ULK4: variants seen among roughly 807,000 people sequenced by gnomAD.
ULK4 encodes the protein inactive serine/threonine-protein kinase ULK4.
A neutral mutation model predicts 160.6 loss-of-function variants in ULK4; 133 were observed. The ratio of observed to expected loss-of-function variants is 0.83; its 90% CI spans 0.72 to 0.96. The LOEUF is 0.96. Ranked by LOEUF, ULK4 falls within the 40% of genes least tolerant of loss-of-function variation. The pLI, the probability that ULK4 is intolerant of heterozygous loss-of-function variation, is 0.00. For missense variants in ULK4, 1,580 were observed against 1,499.5 expected (o/e 1.05, Z -0.89); for synonymous variants, 534 against 539.8 (o/e 0.99, Z 0.15).
At chr3:41,461,032 T>G (rs931402652) in intron 33 of ULK4, among the ~76,000 whole-genome samples, 1 of 152,094 alleles carries the variant, frequency 6.6e-6, no homozygotes, top group Non-Finnish European at 1.5e-5. Flanking sequence ...TCTGCCTCCA[T>G]TATCTTTCAC....
chr3:41,679,866 A>G (rs901737305), intron 29 of ULK4, among the ~76,000 whole-genome samples: 1 of 152,166 alleles, frequency 6.6e-6, no homozygotes, highest in Admixed American at 6.5e-5. Flanking sequence ...TCCAAAGCAC[A>G]TATTTTCTTT....
intron 32 of ULK4, among the ~76,000 whole-genome samples, chr3:41,470,346 A>T (rs1436334830): frequency 6.6e-6 from 1 of 152,194 alleles, no homozygotes; most frequent in Admixed American, 6.5e-5. Flanking sequence ...GAAGGAAAAA[A>T]TGCTGCCAAA....
intron 35 of ULK4, among the ~76,000 whole-genome samples, chr3:41,384,556 T>G (rs1238845760): frequency 6.6e-6 from 1 of 152,120 alleles, no homozygotes; most frequent in Non-Finnish European, 1.5e-5. Flanking sequence ...ATCGGGTGCG[T>G]TCAGGGTGGT....
intron 35 of ULK4, among the ~76,000 whole-genome samples, chr3:41,378,560 C>T (rs965661501): frequency 2.6e-5 from 4 of 151,306 alleles, no homozygotes; most frequent in Admixed American, 6.6e-5. Context: ...CATGTTCTCA[C>T]TCATAGGTGG....
At chr3:41,615,509 A>C (rs996072129) in intron 31 of ULK4, among the ~76,000 whole-genome samples, 160 bp downstream of exon 31, 4 of 152,232 alleles carry the variant, frequency 2.6e-5, no homozygotes, top group Non-Finnish European at 4.4e-5. Flanking sequence ...ATTCCTTTAC[A>C]GATAAGAAAG....
chr3:41,898,502 A>T lies in ULK4; in HGVS notation c.1288-10T>A. On this transcript the variant is annotated splice_polypyrimidine_tract_variant and intron_variant, in intron 13 of 36. Coordinates refer to ENST00000301831, the MANE Select transcript of ULK4 (RefSeq NM_017886.4). ...GTGGCTGTTTCATTATCTGTGGTTT[A>T]AAAAAAAAGAAAGCTTTTGAGACAA... 6.5e-7 allele frequency: 1 copy of T among 1,531,624 alleles called. No individual in the cohort carries two copies. The highest frequency in any genetic ancestry group is 1.2e-5 in the South Asian group (1 of 83,880). The allele number at this position is 1,531,624 out of a possible 1,614,324, so 94.9% of individuals were successfully genotyped here. A position where few individuals can be genotyped will look rare whatever the true frequency, so the allele number is the denominator to read the frequency against.
chr3:41,314,940 G>A (rs534985150), intron 35 of ULK4, among the ~76,000 whole-genome samples: 1 of 151,862 alleles, frequency 6.6e-6, no homozygotes, highest in South Asian at 2.1e-4. Context: ...GGACCTCAAG[G>A]GATTTTGTTT....
At chr3:41,883,779 CAAGTGA>C (rs1559627689) in intron 17 of ULK4, 89 bp downstream of exon 17, 1 of 64,864 alleles carries the variant, frequency 1.5e-5, no homozygotes, top group Non-Finnish European at 4.5e-5. Context: ...AGAGAAAAAA[CAAGTGA>C]AGGTCGGTGA....
intron 30 of ULK4, among the ~76,000 whole-genome samples, chr3:41,638,768 T>C (rs576917452): frequency 1.3e-5 from 2 of 152,362 alleles, no homozygotes; most frequent in South Asian, 4.1e-4. Flanking sequence ...AGATTTGCTG[T>C]TGAGACATGA....
At chr3:41,384,272 A>G (rs1479599729) in intron 35 of ULK4, among the ~76,000 whole-genome samples, 2 of 152,180 alleles carry the variant, frequency 1.3e-5, no homozygotes. Flanking sequence ...GAGATATTCC[A>G]TAAGACAAGT....
Position 41,706,346 on chromosome 3 carries a change from A to ATAATATATATATATTTATATATATATT in ULK4, c.2635-1068_2635-1042dup, listed in dbSNP as rs1179026498. 3.1e-4 allele frequency among the ~76,000 whole-genome samples: 45 copies of ATAATATATATATATTTATATATATATT among 144,540 alleles called. No homozygotes were observed. The South Asian group carries it at 8.3e-3, about 27-fold the overall frequency. 94.8% of individuals were successfully genotyped at this position (144,540 alleles called of 152,430 possible). ...GGAGTTCTTGCCACTAATAAACAAA[A>ATAATATATATATATTTATATATATATT]TAATATATATATATTTATATATATA... On this transcript the variant is annotated intron_variant, in intron 25 of 36. Transcript: ENST00000301831.
At chr3:41,912,978 C>T (rs771987748) in intron 8 of ULK4, 79 bp from the exon 9 acceptor site, 6 of 1,283,810 alleles carry the variant, frequency 4.7e-6, no homozygotes, top group Non-Finnish European at 5.6e-6. Flanking sequence ...CCCAATTACA[C>T]ATAGCAGATT....
intron 30 of ULK4, among the ~76,000 whole-genome samples, chr3:41,655,025 T>C (rs1222502777): frequency 1.3e-5 from 2 of 151,958 alleles, no homozygotes; most frequent in South Asian, 2.1e-4. Context: ...TCTAATAAAG[T>C]TGGTGGGACT....
At chr3:41,784,161 G>A (rs191859549) in intron 21 of ULK4, among the ~76,000 whole-genome samples, 48 of 152,226 alleles carry the variant, frequency 3.2e-4, no homozygotes, top group Admixed American at 2.7e-3. Flanking sequence ...TTGGCCAGGC[G>A]TGGTGGCTCA....
chr3:41,397,745 A>C (rs1391252066), intron 35 of ULK4, among the ~76,000 whole-genome samples: 1 of 152,184 alleles, frequency 6.6e-6, no homozygotes, highest in African/African-American at 2.4e-5. Context: ...TGGTAAAGGA[A>C]TTTTATCAGT....
chr3:41,661,456 C>T (rs999813959), intron 30 of ULK4, among the ~76,000 whole-genome samples: 9 of 143,464 alleles, frequency 6.3e-5, no homozygotes, highest in African/African-American at 2.7e-4. Context: ...CGTATACATA[C>T]ACACATATAT....
At chr3:41,402,204 T>G (rs191227584) in intron 34 of ULK4, among the ~76,000 whole-genome samples, 1 of 152,336 alleles carries the variant, frequency 6.6e-6, no homozygotes, top group Admixed American at 6.5e-5. Context: ...TTTATTGATC[T>G]TGTACCCTGA....
intron 1 of ULK4, among the ~76,000 whole-genome samples, chr3:41,957,485 G>A (rs1186751935): frequency 6.8e-6 from 1 of 147,992 alleles, no homozygotes; most frequent in East Asian, 2.0e-4. Flanking sequence ...TCATAACCTG[G>A]CATCTCTCTG....
rs1553620507 is a variant in ULK4 at position 41,615,728 on chromosome 3, C to G, written c.3072-11G>C. On this transcript the variant is annotated splice_polypyrimidine_tract_variant and intron_variant, in intron 30 of 36. Coordinates refer to ENST00000301831, the MANE Select transcript of ULK4 (RefSeq NM_017886.4). ...CTTTCTTCCACAAGTCTGTTAAAAACAAGAAAAAAAGATAAGTGCACATTA... is the reference window on the plus strand; with the variant it reads ...CTTTCTTCCACAAGTCTGTTAAAAAGAAGAAAAAAAGATAAGTGCACATTA... 6 of 1,610,114 alleles carry G rather than the reference C, an allele frequency of 3.7e-6. No individual in the cohort carries two copies. Among genetic ancestry groups the G allele is most frequent in the Non-Finnish European group, 4.2e-6 (5 of 1,177,988 alleles).
Sources: gnomAD v4.1 joint callset for allele counts (sites outside exome capture counted in the v4.1 genomes callset) on GRCh38, gnomAD v4.1.1 for gene constraint, MANE v1.5 for transcripts, NCBI Gene and HGNC (gene_info 2026-07-23, HGNC 2026-07-21) for gene names.